AK5: variants seen among roughly 807,000 people sequenced by gnomAD.
The protein encoded by AK5 is adenylate kinase 5, also known as adenylate kinase isoenzyme 5.
Under a neutral mutation model 69.5 loss-of-function variants are expected in AK5, and 27 were observed. The observed-to-expected ratio is 0.39, with a 90% CI of 0.29 to 0.54. AK5 has a LOEUF of 0.54. AK5 is among the 20% of genes least tolerant of loss of function. The pLI, the probability that AK5 is intolerant of heterozygous loss-of-function variation, is 0.71. For missense variants in AK5, 531 were observed against 700.4 expected (o/e 0.76, Z 2.73); for synonymous variants, 260 against 244.4 (o/e 1.06, Z -0.60).
At chr1:77,378,030 A>G (rs1429880735) in intron 6 of AK5, among the ~76,000 whole-genome samples, 1 of 152,110 alleles carries the variant, frequency 6.6e-6, no homozygotes, top group Non-Finnish European at 1.5e-5. Context: ...TCATGAGACA[A>G]TTTTATTCAA....
At chr1:77,327,227 T>C (rs988280900) in intron 5 of AK5, among the ~76,000 whole-genome samples, 1 of 151,802 alleles carries the variant, frequency 6.6e-6, no homozygotes, top group Non-Finnish European at 1.5e-5. Flanking sequence ...TCTCTACAAA[T>C]ACATAAGTAA....
intron 12 of AK5, among the ~76,000 whole-genome samples, chr1:77,526,638 G>T (rs1051580568): frequency 2.6e-5 from 4 of 151,618 alleles, no homozygotes; most frequent in African/African-American, 9.7e-5. Flanking sequence ...ACCACACCTG[G>T]CTAATTTTTT....
chr1:77,402,287 T>C (rs549445815), intron 6 of AK5, among the ~76,000 whole-genome samples: 2 of 152,106 alleles, frequency 1.3e-5, no homozygotes, highest in South Asian at 4.1e-4. Context: ...TGAAAACTTT[T>C]TCATTATTAT....
At chr1:77,388,363 A>G (rs975352367) in intron 6 of AK5, among the ~76,000 whole-genome samples, 1 of 152,234 alleles carries the variant, frequency 6.6e-6, no homozygotes, top group Non-Finnish European at 1.5e-5. Flanking sequence ...CAGTCACAGC[A>G]TCTCTGTCCC....
chr1:77,286,663 A>G (rs1252505833), intron 1 of AK5, among the ~76,000 whole-genome samples: 2 of 152,060 alleles, frequency 1.3e-5, no homozygotes, highest in Non-Finnish European at 2.9e-5. Context: ...CCTGGCCAAC[A>G]TGGTGAAACC....
At chr1:77,481,075 C>A (rs1186236850) in intron 8 of AK5, among the ~76,000 whole-genome samples, 1 of 152,142 alleles carries the variant, frequency 6.6e-6, no homozygotes, top group East Asian at 1.9e-4. Context: ...TGTAGTGGGC[C>A]CTTAGCAGCA....
intron 8 of AK5, among the ~76,000 whole-genome samples, chr1:77,449,308 G>A (rs189675188): frequency 1.3e-5 from 2 of 152,348 alleles, no homozygotes; most frequent in African/African-American, 4.8e-5. Context: ...TGGCCTGGAT[G>A]TGAGACACAG....
chr1:77,489,595 A>G (rs997582669), intron 10 of AK5, among the ~76,000 whole-genome samples: 4 of 152,216 alleles, frequency 2.6e-5, no homozygotes, highest in African/African-American at 9.6e-5. Flanking sequence ...GGTTTTGTCT[A>G]TTTGAGAAGA....
chr1:77,378,359 G>A (rs773517711), intron 6 of AK5, among the ~76,000 whole-genome samples: 2 of 151,900 alleles, frequency 1.3e-5, no homozygotes, highest in Admixed American at 6.6e-5. Context: ...TTTCGCTTTT[G>A]TTGCCCAGGC....
intron 10 of AK5, among the ~76,000 whole-genome samples, chr1:77,507,655 G>A (rs1657102460): frequency 6.6e-6 from 1 of 152,110 alleles, no homozygotes; most frequent in Admixed American, 6.6e-5. Context: ...AAGGCAATAA[G>A]GATTTTTATT....
chr1:77,448,059 T>C (rs911705085), intron 8 of AK5, among the ~76,000 whole-genome samples: 7 of 152,152 alleles, frequency 4.6e-5, no homozygotes, highest in African/African-American at 9.7e-5. Flanking sequence ...TTAGGGCTGC[T>C]CAGCTGAGGC....
intron 12 of AK5, among the ~76,000 whole-genome samples, chr1:77,531,897 C>T (rs923483769): frequency 2.0e-5 from 3 of 151,906 alleles, no homozygotes; most frequent in Non-Finnish European, 4.4e-5. Context: ...AGGTCCCGAG[C>T]CCTGCCCCGC....
intron 6 of AK5, among the ~76,000 whole-genome samples, chr1:77,410,221 A>G (rs1649946802): frequency 6.6e-6 from 1 of 151,982 alleles, no homozygotes; most frequent in Non-Finnish European, 1.5e-5. Context: ...TCCACAGACC[A>G]CATCTATAAT....
At chr1:77,551,105 A>G (rs1441985778) in intron 13 of AK5, among the ~76,000 whole-genome samples, 1 of 152,140 alleles carries the variant, frequency 6.6e-6, no homozygotes, top group African/African-American at 2.4e-5. Context: ...TGAACCCGGG[A>G]GGTGGGGGTT....
At chr1:77,507,294 ATATGAGAGGCTG>A (rs751342217) in intron 10 of AK5, among the ~76,000 whole-genome samples, 29 of 152,232 alleles carry the variant, frequency 1.9e-4, no homozygotes, top group Non-Finnish European at 3.7e-4. Flanking sequence ...AGTGCCCCAC[ATATGAGAGGCTG>A]TAGAGTTTAA....
chr1:77,506,254 T>TGGTG (rs1407579056), intron 10 of AK5, among the ~76,000 whole-genome samples: 124 of 151,750 alleles, frequency 8.2e-4, no homozygotes, highest in African/African-American at 2.8e-3. Flanking sequence ...GTTGGTTGGT[T>TGGTG]GTTTTTTTTC....
At chr1:77,319,776 A>G (rs1007168760) in intron 5 of AK5, among the ~76,000 whole-genome samples, 1 of 152,230 alleles carries the variant, frequency 6.6e-6, no homozygotes, top group African/African-American at 2.4e-5. Context: ...GCTGTCATAT[A>G]TGTTGGAAGT....
chr1:77,470,690 T>A (rs1004696923), intron 8 of AK5, among the ~76,000 whole-genome samples: 2 of 151,460 alleles, frequency 1.3e-5, no homozygotes, highest in Non-Finnish European at 2.9e-5. Context: ...GTTTGACAAA[T>A]AGTTAAGTCT....
chr1:77,340,172 T>C (rs1661574747), intron 5 of AK5, among the ~76,000 whole-genome samples: 1 of 152,090 alleles, frequency 6.6e-6, no homozygotes, highest in South Asian at 2.1e-4. Flanking sequence ...GCCACATGAG[T>C]TAGAGAATGC....
Sources: allele counts gnomAD v4.1 joint callset (sites outside exome capture counted in the v4.1 genomes callset), GRCh38; gene constraint gnomAD v4.1.1; transcripts MANE v1.5; gene names NCBI Gene and HGNC (gene_info 2026-07-23, HGNC 2026-07-21).